The following NRXN3 variants were observed in gnomAD, a reference collection of about 807,000 sequenced individuals.
The protein encoded by NRXN3 is neurexin III.
In NRXN3, 32 loss-of-function variants were observed where a neutral mutation model predicts 137.6. That is an observed-to-expected ratio of 0.23 (90% CI 0.18 to 0.31). The LOEUF (loss-of-function observed/expected upper bound fraction) is 0.31, where lower values mean the gene tolerates loss of function less well. Ranked by LOEUF, NRXN3 falls within the 10% of genes least tolerant of loss-of-function variation. The pLI is 1.00. For synonymous variants in NRXN3, 798 were observed against 784.5 expected, an observed-to-expected ratio of 1.02 and a Z score of -0.29; for missense variants, 1,574 against 2,062.5, an observed-to-expected ratio of 0.76 and a Z score of 4.59.
chr14:79,561,698 A>C (rs770099048), intron 16 of NRXN3, among the ~76,000 whole-genome samples: 3 of 152,092 alleles, frequency 2.0e-5, no homozygotes, highest in Admixed American at 1.3e-4. Context: ...TCATGCTTTC[A>C]TCAAAAGGTA....
chr14:78,788,445 C>T (rs549581443), intron 8 of NRXN3, among the ~76,000 whole-genome samples: 2 of 152,250 alleles, frequency 1.3e-5, no homozygotes, highest in South Asian at 4.1e-4. Context: ...GCCCTGACAG[C>T]TCCCTTGTCT....
chr14:78,235,625 G>GT (rs1187347781), intron 1 of NRXN3, among the ~76,000 whole-genome samples: 3 of 151,696 alleles, frequency 2.0e-5, no homozygotes, highest in East Asian at 1.9e-4. Flanking sequence ...ATAGTTAAAG[G>GT]TTAAAAAAAA....
intron 15 of NRXN3, among the ~76,000 whole-genome samples, chr14:79,237,915 C>T (rs2073672489): frequency 6.6e-6 from 1 of 152,082 alleles, no homozygotes; most frequent in Admixed American, 6.6e-5. Context: ...CTCATGGGAA[C>T]ACTGTGATGA....
chr14:78,765,681 G>T (rs1316634682), intron 8 of NRXN3, among the ~76,000 whole-genome samples: 1 of 151,854 alleles, frequency 6.6e-6, no homozygotes, highest in Non-Finnish European at 1.5e-5. Context: ...GAGTTTACTG[G>T]TTAAAGCATT....
chr14:78,178,178 TC>T (rs1394970725), intron 1 of NRXN3, among the ~76,000 whole-genome samples: 1 of 152,216 alleles, frequency 6.6e-6, no homozygotes, highest in Non-Finnish European at 1.5e-5. Flanking sequence ...CTCTGAAGCC[TC>T]TGGTCTTAAC....
intron 6 of NRXN3, among the ~76,000 whole-genome samples, chr14:78,682,486 A>G (rs915566288): frequency 4.6e-5 from 7 of 151,884 alleles, no homozygotes; most frequent in Non-Finnish European, 8.8e-5. Context: ...GGGCCTTGTT[A>G]AGGCAGCTGC....
chr14:79,094,756 T>C (rs1430898369), intron 15 of NRXN3, among the ~76,000 whole-genome samples: 2 of 152,140 alleles, frequency 1.3e-5, no homozygotes, highest in African/African-American at 4.8e-5. Flanking sequence ...ATTTGCAGCC[T>C]TGATGATTAG....
intron 3 of NRXN3, chr14:78,282,248 T>TCC (rs2074509511): frequency 2.2e-6 from 1 of 445,648 alleles, no homozygotes. Context: ...CCTTTAACCT[T>TCC]CCCCTGCTTT....
intron 10 of NRXN3, among the ~76,000 whole-genome samples, chr14:78,924,203 C>T (rs1000667039): frequency 7.9e-5 from 12 of 152,176 alleles, no homozygotes; most frequent in African/African-American, 2.4e-4. Flanking sequence ...GAGCCGAGAT[C>T]GTGCCATTGC....
intron 6 of NRXN3, among the ~76,000 whole-genome samples, chr14:78,660,035 C>T (rs2097824323): frequency 1.3e-5 from 2 of 151,956 alleles, no homozygotes. Context: ...ACATTTGAGG[C>T]TTATTTCAGT....
At chr14:79,459,745 T>TATTG (rs1382674954) in intron 15 of NRXN3, among the ~76,000 whole-genome samples, 5 of 152,022 alleles carry the variant, frequency 3.3e-5, no homozygotes, top group Non-Finnish European at 7.4e-5. Flanking sequence ...TTAGTATTAA[T>TATTG]ATTGATATTA....
intron 14 of NRXN3, among the ~76,000 whole-genome samples, chr14:78,976,913 G>C (rs76739410): frequency 0.027 from 4,157 of 152,198 alleles, 198 homozygotes; most frequent in African/African-American, 0.095. Context: ...CCTTGATGAA[G>C]GCATACACTA....
intron 15 of NRXN3, among the ~76,000 whole-genome samples, chr14:79,109,233 A>C (rs2053030886): frequency 6.6e-6 from 1 of 152,172 alleles, no homozygotes; most frequent in African/African-American, 2.4e-5. Context: ...GCAGATTTAA[A>C]CTGGACTTGG....
At chr14:78,633,267 A>AAAAAAAAAAAAAAAAAAAAAAAAAAGAG (rs1376443966) in intron 4 of NRXN3, among the ~76,000 whole-genome samples, 2 of 150,084 alleles carry the variant, frequency 1.3e-5, no homozygotes, top group African/African-American at 2.5e-5. Flanking sequence ...AAAAAAAAAA[A>AAAAAAAAAAAAAAAAAAAAAAAAAAGAG]AGAGACTGGT....
At chr14:78,803,939 CT>C (rs1223069241) in intron 9 of NRXN3, 116 bp downstream of exon 9, 2 of 964,338 alleles carry the variant, frequency 2.1e-6, no homozygotes, top group Non-Finnish European at 3.2e-6. Flanking sequence ...CTGCTCACCT[CT>C]TGTTTAACAG....
intron 6 of NRXN3, among the ~76,000 whole-genome samples, chr14:78,692,195 AT>A (rs1275901855): frequency 6.6e-6 from 1 of 152,176 alleles, no homozygotes; most frequent in Non-Finnish European, 1.5e-5. Flanking sequence ...AGCTCTAAAG[AT>A]TGAGGAGTCA....
chr14:78,592,969 G>A (rs895223764), intron 4 of NRXN3, among the ~76,000 whole-genome samples: 1 of 152,192 alleles, frequency 6.6e-6, no homozygotes, highest in African/African-American at 2.4e-5. Flanking sequence ...TGATGTCGTC[G>A]TCATCGGCAG....
chr14:79,535,829 CTA>C (rs2097206020), intron 16 of NRXN3, among the ~76,000 whole-genome samples: 1 of 152,186 alleles, frequency 6.6e-6, no homozygotes, highest in Admixed American at 6.5e-5. Flanking sequence ...ACAGAGCCTT[CTA>C]AGGCAGGTTT....
At chr14:78,546,185 A>T (rs1275007176) in intron 4 of NRXN3, among the ~76,000 whole-genome samples, 1 of 152,226 alleles carries the variant, frequency 6.6e-6, no homozygotes, top group African/African-American at 2.4e-5. Flanking sequence ...TACTCAAGCA[A>T]TGTATGAGCA....
Sources: allele counts gnomAD v4.1 joint callset (sites outside exome capture counted in the v4.1 genomes callset), GRCh38; gene constraint gnomAD v4.1.1; transcripts MANE v1.5; gene names NCBI Gene and HGNC (gene_info 2026-07-23, HGNC 2026-07-21).